CACNA2D1: variants seen among roughly 807,000 people sequenced by gnomAD.
The protein encoded by CACNA2D1 is voltage-dependent calcium channel subunit alpha-2/delta-1.
CACNA2D1 carries 53 observed loss-of-function variants against 171.5 expected under a neutral mutation model. That is an observed-to-expected ratio of 0.31 (90% CI 0.25 to 0.39). The LOEUF is 0.39. Among genes scored for constraint, CACNA2D1 ranks in the 10% least tolerant of loss-of-function variants. The pLI, the probability that CACNA2D1 is intolerant of heterozygous loss-of-function variation, is 1.00. For synonymous variants in CACNA2D1, 442 were observed against 443.1 expected (o/e 1.00, Z 0.03); for missense variants, 903 against 1,299.8 (o/e 0.69, Z 4.69).
At chr7:82,079,229 T>C (rs1012822063) in intron 7 of CACNA2D1, among the ~76,000 whole-genome samples, 1 of 152,200 alleles carries the variant, frequency 6.6e-6, no homozygotes, top group Non-Finnish European at 1.5e-5. Flanking sequence ...GATTTAATGC[T>C]TCTTATTCTC....
At chr7:82,381,108 C>A (rs1477046625) in intron 1 of CACNA2D1, among the ~76,000 whole-genome samples, 1 of 151,892 alleles carries the variant, frequency 6.6e-6, no homozygotes, top group African/African-American at 2.4e-5. Context: ...GTCAGGAGAT[C>A]GAGACCATCC....
At chr7:82,084,708 G>A in intron 7 of CACNA2D1, 61 bp downstream of exon 7, 2 of 1,565,366 alleles carry the variant, frequency 1.3e-6, no homozygotes, top group East Asian at 4.5e-5. Context: ...GAAGATAACA[G>A]AGTATTCTCC....
At chr7:82,399,250 G>A (rs1330922193) in intron 1 of CACNA2D1, among the ~76,000 whole-genome samples, 1 of 152,066 alleles carries the variant, frequency 6.6e-6, no homozygotes, top group African/African-American at 2.4e-5. Flanking sequence ...GACCAGCCTG[G>A]TCCACATGAC....
At chr7:82,279,162 A>C (rs1234375177) in intron 3 of CACNA2D1, among the ~76,000 whole-genome samples, 1 of 152,216 alleles carries the variant, frequency 6.6e-6, no homozygotes, top group African/African-American at 2.4e-5. Context: ...TTTTCTTGTT[A>C]AGGTAATTCC....
chr7:82,326,491 A>G (rs1046129502), intron 3 of CACNA2D1, among the ~76,000 whole-genome samples: 1 of 152,202 alleles, frequency 6.6e-6, no homozygotes, highest in Non-Finnish European at 1.5e-5. Flanking sequence ...AAACAACTAT[A>G]TGTACTTTGC....
intron 3 of CACNA2D1, among the ~76,000 whole-genome samples, chr7:82,252,304 T>C (rs989001862): frequency 6.6e-6 from 1 of 152,212 alleles, no homozygotes; most frequent in Non-Finnish European, 1.5e-5. Flanking sequence ...AGCACTCATT[T>C]TTCCAAAGTA....
chr7:82,070,649 ATAT>A (rs1808214688), intron 7 of CACNA2D1, among the ~76,000 whole-genome samples: 1 of 152,182 alleles, frequency 6.6e-6, no homozygotes, highest in South Asian at 2.1e-4. Context: ...GAAGTGACAC[ATAT>A]TACTTTCACT....
At chr7:81,997,732 T>C (rs931634249) in intron 18 of CACNA2D1, among the ~76,000 whole-genome samples, 5 of 151,774 alleles carry the variant, frequency 3.3e-5, no homozygotes, top group African/African-American at 1.2e-4. Context: ...TAAAACATTC[T>C]ATTGGACCTG....
At chr7:82,075,371 CA>C (rs1204354988) in intron 7 of CACNA2D1, among the ~76,000 whole-genome samples, 1 of 150,386 alleles carries the variant, frequency 6.6e-6, no homozygotes, top group Admixed American at 6.6e-5. Flanking sequence ...ATGAAATACT[CA>C]ATAAAGTAAA....
Position 81,994,901 on chromosome 7 carries a change from T to C in CACNA2D1, c.1701A>G (p.Lys567=). 1 of 1,543,998 alleles carries C rather than the reference T, an allele frequency of 6.5e-7. No homozygotes were observed. Residue 567 remains lysine, a synonymous_variant, in exon 20 of 39, where the codon AAA becomes AAG. Coordinates refer to ENST00000356860, the MANE Select transcript of CACNA2D1 (RefSeq NM_000722.4). The stretch of plus-strand genomic sequence containing the variant: ...GAGATTTAACCAGAGTTCTGAATGT[T>C]TTTTCTCCACTTTCCCCATCAATCA... ...NKMIDGESGE[K]TFRTLVKSQD... is the part of the protein sequence containing the mutation.
intron 2 of CACNA2D1, among the ~76,000 whole-genome samples, chr7:82,344,623 G>A (rs1819037323): frequency 6.6e-6 from 1 of 152,172 alleles, no homozygotes; most frequent in Admixed American, 6.5e-5. Flanking sequence ...GTGCAGCAGG[G>A]AGGCAGGGGG....
intron 12 of CACNA2D1, chr7:82,021,085 G>A (rs755812659): frequency 6.6e-5 from 10 of 152,112 alleles, no homozygotes; most frequent in Non-Finnish European, 1.5e-4. Context: ...TTATAAGGAA[G>A]TAATCTGAAG....
At chr7:82,274,164 G>A (rs910579073) in intron 3 of CACNA2D1, among the ~76,000 whole-genome samples, 1 of 151,946 alleles carries the variant, frequency 6.6e-6, no homozygotes, top group Non-Finnish European at 1.5e-5. Flanking sequence ...CCTTTTCCTA[G>A]AATGGCATTT....
intron 16 of CACNA2D1, among the ~76,000 whole-genome samples, chr7:82,006,744 T>C (rs1799161166): frequency 6.6e-6 from 1 of 152,098 alleles, no homozygotes; most frequent in African/African-American, 2.4e-5. Context: ...TACTCTTTTA[T>C]GAGTTACAAT....
At chr7:82,368,724 C>A (rs1822020762) in intron 1 of CACNA2D1, among the ~76,000 whole-genome samples, 1 of 152,114 alleles carries the variant, frequency 6.6e-6, no homozygotes. Flanking sequence ...CTAACATATT[C>A]CTCCTTTTTC....
At chr7:82,391,190 G>A (rs1302817090) in intron 1 of CACNA2D1, among the ~76,000 whole-genome samples, 1 of 152,104 alleles carries the variant, frequency 6.6e-6, no homozygotes, top group Non-Finnish European at 1.5e-5. Context: ...ATCTCAGAAA[G>A]CACAGAGTAC....
rs1467730798 is a variant in CACNA2D1 at position 82,032,826 on chromosome 7, T to C, written c.1114A>G (p.Ile372Val). The change falls in exon 12 of 39, where the codon ATA (isoleucine) becomes GTA (valine). Residue 372 changes from isoleucine (I) to valine (V), a missense_variant. By Grantham distance (29) the Ile-to-Val change is conservative. Transcript: ENST00000356860. ...TDGGEERAQE[I>V]FNKYNKDKKV... ...TTATCTTTATTGTATTTGTTAAATA[T>C]CTCCTGGGCTCTCTCTTCTCCTCCA... 8.2e-6 allele frequency: 13 copies of C among 1,575,858 alleles called. No homozygotes were observed. The highest frequency in any genetic ancestry group is 1.0e-5 in the Non-Finnish European group (12 of 1,147,770).
At position 81,967,315 on chromosome 7, in the gene CACNA2D1, A is replaced by G. The variant is rs982148481; in HGVS notation, c.2464-108T>C. On this transcript the variant is annotated intron_variant, in intron 30 of 38. Coordinates refer to ENST00000356860, the MANE Select transcript of CACNA2D1 (RefSeq NM_000722.4). ...CTGAAATAATTTATCCAGTAGAAAAATAAGATTAAACAGTCTAGTCTATAA... is the reference window on the plus strand; with the variant it reads ...CTGAAATAATTTATCCAGTAGAAAAGTAAGATTAAACAGTCTAGTCTATAA... 6.2e-6 allele frequency: 6 copies of G among 964,036 alleles called. No homozygotes were observed. The African/African-American group carries it at 9.9e-5, about 16-fold the overall frequency. The allele number at this position is 964,036 out of a possible 1,614,324, so 59.7% of individuals were successfully genotyped here. A position where few individuals can be genotyped will look rare whatever the true frequency, so the allele number is the denominator to read the frequency against.
chr7:82,228,618 G>C (rs955667707), intron 3 of CACNA2D1, among the ~76,000 whole-genome samples: 9 of 152,234 alleles, frequency 5.9e-5, no homozygotes, highest in African/African-American at 1.9e-4. Flanking sequence ...TAATTGCTAT[G>C]AGCTTTAGTT....
Sources: gnomAD v4.1 joint callset for allele counts (sites outside exome capture counted in the v4.1 genomes callset) on GRCh38, gnomAD v4.1.1 for gene constraint, MANE v1.5 for transcripts, NCBI Gene and HGNC (gene_info 2026-07-23, HGNC 2026-07-21) for gene names.